The following KBTBD4 variants were observed in gnomAD, a reference collection of about 807,000 sequenced individuals.
KBTBD4 encodes kelch repeat and BTB domain containing 4, also known as kelch repeat and BTB domain-containing protein 4.
In KBTBD4, 30 loss-of-function variants were observed where a neutral mutation model predicts 43.9. That is an observed-to-expected ratio of 0.68 (90% CI 0.51 to 0.93). The LOEUF is 0.93. Among genes scored for constraint, KBTBD4 ranks in the 40% least tolerant of loss-of-function variants. KBTBD4 has a pLI of 0.00. For synonymous variants in KBTBD4, 258 were observed against 256.9 expected (o/e 1.00, Z -0.04); for missense variants, 575 against 668.8 (o/e 0.86, Z 1.55).
chr11:47,575,240 G>A (rs1165522057), intron 3 of KBTBD4, among the ~76,000 whole-genome samples: 1 of 151,666 alleles, frequency 6.6e-6, no homozygotes, highest in Non-Finnish European at 1.5e-5. Context: ...CGGGCGCGGG[G>A]GCTCATGCCT....
chr11:47,577,512 TAG>T lies in KBTBD4; in HGVS notation c.534_535del (p.Thr180GlyfsTer52). ...CTTGGCACAGTGCTTGGCAGCCGTA[TAG>T]AGCTCAGGATCACTGTGCCGATCTG... is the stretch of plus-strand genomic sequence containing the variant. On this transcript the variant is annotated frameshift_variant, in exon 2 of 4. Transcript: ENST00000430070. LOFTEE classifies it high-confidence loss of function. The T allele has an allele frequency of 1.2e-6, 2 of 1,614,162 alleles. No individual in the cohort carries two copies. Among genetic ancestry groups the T allele is most frequent in the Non-Finnish European group, 1.7e-6 (2 of 1,180,016 alleles).
chr11:47,578,394 G>A (rs2097264407), intron 1 of KBTBD4: 1 of 557,266 alleles, frequency 1.8e-6, no homozygotes, highest in South Asian at 2.5e-5. Flanking sequence ...CAAATAACTG[G>A]GGCATAAAAC....
chr11:47,576,317 C>G (rs2097259454), intron 2 of KBTBD4, among the ~76,000 whole-genome samples: 1 of 151,400 alleles, frequency 6.6e-6, no homozygotes, highest in Admixed American at 6.6e-5. Context: ...CAGGCGCCTG[C>G]CACCATGCCC....
intron 1 of KBTBD4, chr11:47,578,470 CCT>C: frequency 1.7e-6 from 1 of 592,006 alleles, no homozygotes; most frequent in Non-Finnish European, 3.0e-6. Flanking sequence ...GTGGCCAGGT[CCT>C]CTCCTTCCCA....
chr11:47,573,773 C>T lies in KBTBD4; in HGVS notation c.762G>A (p.Val254=). ...ACTCTTTCCCAATCAGGTAAATGTG[C>T]ACATTCTCCCCAATTTCCTATTGGC... ...RTSLKEIGEN[V]HIYLIGKESS... is the part of the protein sequence containing the mutation. Residue 254 remains valine (V), a synonymous_variant, in exon 4 of 4, where the codon GTG becomes GTA. Transcript: ENST00000430070. This position sits in a 1 kb window ranked among gnomAD's most constrained non-coding sequence, Gnocchi z 4.1. 1 of 1,572,944 alleles carries T rather than the reference C, an allele frequency of 6.4e-7. No homozygotes were observed. The highest frequency in any genetic ancestry group is 8.6e-7 in the Non-Finnish European group (1 of 1,160,700).
At chr11:47,575,108 G>C (rs2097256619) in intron 3 of KBTBD4, among the ~76,000 whole-genome samples, 2 of 151,718 alleles carry the variant, frequency 1.3e-5, no homozygotes, top group Admixed American at 1.3e-4. Flanking sequence ...TACTTGGGAG[G>C]CTAAGGCAGG....
intron 3 of KBTBD4, among the ~76,000 whole-genome samples, chr11:47,574,105 G>GA (rs1458448259): frequency 6.6e-5 from 10 of 152,078 alleles, no homozygotes; most frequent in African/African-American, 2.2e-4. Flanking sequence ...TAGATTGGTG[G>GA]TACTGGGGTT....
At chr11:47,578,118 A>T in intron 1 of KBTBD4, 90 bp from the exon 2 acceptor site, 1 of 1,462,846 alleles carries the variant, frequency 6.8e-7, no homozygotes, top group Non-Finnish European at 9.3e-7. Flanking sequence ...GAAAAGGAAG[A>T]AGTGAGAGCA....
chr11:47,575,859 C>CT (rs11387133), intron 2 of KBTBD4, among the ~76,000 whole-genome samples, 160 bp from the exon 3 acceptor site: 135,930 of 140,214 alleles, frequency 0.97, 65,921 homozygotes, highest in South Asian at 0.99. Context: ...CCTAAAATTG[C>CT]TTTTTTTTTT....
chr11:47,573,117 G>T lies in KBTBD4; in HGVS notation c.1418C>A (p.Pro473His). 6.2e-6 allele frequency: 10 copies of T among 1,614,234 alleles called. No homozygotes were observed. The highest frequency in any genetic ancestry group is 8.5e-6 in the Non-Finnish European group (10 of 1,180,040). Residue 473 changes from proline to histidine, a missense_variant, in exon 4 of 4, where the codon CCT becomes CAT. By Grantham distance (77) the Pro-to-His change is moderately conservative. Transcript: ENST00000430070. The surrounding 1 kb of genome is among the most constrained non-coding windows in gnomAD (Gnocchi z 4.1). Reference sequence around the variant, plus strand: ...GGATGGGGCAGAGCTCCAGGCCTCAGGAAGGCAAAGCCGGGTGAAGCTGTC... The same window carrying T: ...GGATGGGGCAGAGCTCCAGGCCTCATGAAGGCAAAGCCGGGTGAAGCTGTC... ...LLDSFTRLCL[P>H]EAWSSAPSLW...
intron 1 of KBTBD4, chr11:47,578,616 C>G: frequency 1.4e-6 from 1 of 733,000 alleles, no homozygotes; most frequent in Non-Finnish European, 2.4e-6. Flanking sequence ...CGTCCCAGAA[C>G]TTGAGTCCAT....
chr11:47,578,008 A>G lies in KBTBD4; in HGVS notation c.40T>C (p.Leu14=), dbSNP rs776274631. 2 of 1,614,212 alleles carry G rather than the reference A, an allele frequency of 1.2e-6. No individual in the cohort carries two copies. The highest frequency in any genetic ancestry group is 1.7e-5 in the Admixed American group (1 of 60,016). The change falls in exon 2 of 4, where the codon TTG becomes CTG. Residue 14 remains leucine, a synonymous_variant. Transcript: ENST00000430070. ...GNADSWQREK[L]ASMESPEEPG... Reference sequence around the variant, plus strand: ...TCCTCTGGTGATTCCATGCTAGCCAACTTCTCTCTCTGCCAGCTGTCTGCA... The same window carrying G: ...TCCTCTGGTGATTCCATGCTAGCCAGCTTCTCTCTCTGCCAGCTGTCTGCA...
At position 47,578,940 on chromosome 11, in the gene KBTBD4, C is replaced by A. The variant is rs1415150450; in HGVS notation, c.12G>T (p.Gly4=). 6 of 1,551,724 alleles carry A rather than the reference C, an allele frequency of 3.9e-6. No homozygotes were observed. The highest frequency in any genetic ancestry group is 5.2e-6 in the Non-Finnish European group (6 of 1,147,040). ...CCTGTCTCGCTTTCTCACCTGCGTT[C>A]CCTCCTTTCATCCCGGAGCCCGGAA... MKG[G]NADSWQREKL... The change falls in exon 1 of 4, where the codon GGG becomes GGT. Residue 4 remains glycine, a synonymous_variant. Coordinates refer to ENST00000430070, the MANE Select transcript of KBTBD4 (RefSeq NM_018095.6).
chr11:47,574,169 T>C (rs1439033258), intron 3 of KBTBD4, among the ~76,000 whole-genome samples: 1 of 151,984 alleles, frequency 6.6e-6, no homozygotes, highest in African/African-American at 2.4e-5. Flanking sequence ...AGATAACTTA[T>C]TCAAAAATAA....
intron 1 of KBTBD4, 101 bp downstream of exon 1, chr11:47,578,832 C>T: frequency 6.5e-7 from 1 of 1,546,986 alleles, no homozygotes; most frequent in Non-Finnish European, 8.7e-7. Context: ...TCTCACCCGC[C>T]TGGTTCTTCA....
chr11:47,578,959 C>G lies in KBTBD4; in HGVS notation c.-8G>C. ...TGCGTTCCCTCCTTTCATCCCGGAG[C>G]CCGGAACCTCCGCTTCCGGCTCCAC... On this transcript the variant is annotated 5_prime_UTR_variant, in exon 1 of 4. Coordinates refer to ENST00000430070, the MANE Select transcript of KBTBD4 (RefSeq NM_018095.6). 1 of 1,551,730 alleles carries G rather than the reference C, an allele frequency of 6.4e-7. No individual in the cohort carries two copies. The highest frequency in any genetic ancestry group is 8.7e-7 in the Non-Finnish European group (1 of 1,147,022).
intron 2 of KBTBD4, among the ~76,000 whole-genome samples, chr11:47,575,921 A>G (rs1245812648): frequency 1.3e-5 from 2 of 151,292 alleles, no homozygotes; most frequent in African/African-American, 4.9e-5. Flanking sequence ...CAATGGCGCA[A>G]TCACCATCAC....
At chr11:47,578,228 C>T (rs1161410200) in intron 1 of KBTBD4, 200 bp from the exon 2 acceptor site, 3 of 599,052 alleles carry the variant, frequency 5.0e-6, no homozygotes. Flanking sequence ...GGCGCCCCTC[C>T]GCTAATGATA....
At chr11:47,574,034 C>G (rs1179649797) in intron 3 of KBTBD4, among the ~76,000 whole-genome samples, 1 of 152,096 alleles carries the variant, frequency 6.6e-6, no homozygotes, top group African/African-American at 2.4e-5. Context: ...GTGCTTCAGA[C>G]AAAGGGTGAT....
Sources: gnomAD v4.1 joint callset for allele counts (sites outside exome capture counted in the v4.1 genomes callset) on GRCh38, gnomAD v4.1.1 for gene constraint, Gnocchi (gnomAD v3.1) non-coding constraint, MANE v1.5 for transcripts, NCBI Gene and HGNC (gene_info 2026-07-23, HGNC 2026-07-21) for gene names.